The following SDHA variants were observed in gnomAD, a reference collection of about 807,000 sequenced individuals.
SDHA encodes the protein succinate dehydrogenase [ubiquinone] flavoprotein subunit, mitochondrial.
Under a neutral mutation model 78.4 loss-of-function variants are expected in SDHA, and 48 were observed. The ratio of observed to expected loss-of-function variants is 0.61; its 90% CI spans 0.49 to 0.78. The LOEUF (loss-of-function observed/expected upper bound fraction) is 0.78. SDHA is among the 30% of genes least tolerant of loss of function. The pLI is 0.00. For missense variants in SDHA, 680 were observed against 892.7 expected (o/e 0.76, Z 3.04); for synonymous variants, 326 against 353.9 (o/e 0.92, Z 0.88).
chr5:233,701 T>C, intron 8 of SDHA, 56 bp downstream of exon 8: 1 of 1,579,146 alleles, frequency 6.3e-7, no homozygotes, highest in Non-Finnish European at 8.7e-7. Context: ...CGGGGTTGCT[T>C]CTGTGAGTTT....
chr5:230,546 A>G (rs989096730), intron 6 of SDHA, among the ~76,000 whole-genome samples: 7 of 152,160 alleles, frequency 4.6e-5, no homozygotes, highest in African/African-American at 1.7e-4. Context: ...GAATCACTTG[A>G]ACCTGGGAGC....
At chr5:233,710 T>C (rs1735573722) in intron 8 of SDHA, 65 bp downstream of exon 8, 3 of 1,522,642 alleles carry the variant, frequency 2.0e-6, no homozygotes, top group Non-Finnish European at 2.7e-6. Flanking sequence ...TTCTGTGAGT[T>C]TCAGCACCGC....
chr5:219,813 A>C (rs1579373046), intron 1 of SDHA, among the ~76,000 whole-genome samples: 1 of 152,286 alleles, frequency 6.6e-6, no homozygotes. Context: ...TCTGCAGACT[A>C]AGACCCTGCC....
chr5:229,783 C>T (rs1011742313), intron 6 of SDHA, among the ~76,000 whole-genome samples: 2 of 149,302 alleles, frequency 1.3e-5, no homozygotes, highest in African/African-American at 5.1e-5. Context: ...CATTATACAG[C>T]ATGGTGGCTA....
chr5:231,058 T>G (rs1735368740), intron 7 of SDHA, 58 bp downstream of exon 7: 3 of 1,579,134 alleles, frequency 1.9e-6, no homozygotes, highest in Non-Finnish European at 2.6e-6. Flanking sequence ...TGTAAGCATG[T>G]GATGCCTACT....
chr5:259,117 C>T (rs1336155962), downstream of SDHA, among the ~76,000 whole-genome samples: 4 of 50,722 alleles, frequency 7.9e-5, no homozygotes, highest in East Asian at 4.2e-4. Context: ...CTCCGCCTCC[C>T]GTCCGAGCAT....
Position 227,418 on chromosome 5 carries a change from T to TA in SDHA, c.622-766dup, listed in dbSNP as rs139616100. ...CATGGCCAAATAATATTCTGAACGG[T>TA]ATTGATTCAGAGTAATCAATATTCT... On this transcript the variant is annotated intron_variant, in intron 5 of 14. Transcript: ENST00000264932. Among the ~76,000 whole-genome samples, 1,439 of 152,374 alleles carry TA rather than the reference T, an allele frequency of 9.4e-3. 12 individuals are homozygous for TA. Among genetic ancestry groups the TA allele is most frequent in the Non-Finnish European group, 0.015 (1,021 of 68,036 alleles).
intron 14 of SDHA, 115 bp downstream of exon 14, chr5:254,621 C>A (rs1253141996): frequency 6.9e-7 from 1 of 1,446,620 alleles, no homozygotes; most frequent in African/African-American, 1.6e-5. Context: ...TAAATCAACT[C>A]CCGACAGATT....
chr5:262,075 C>T (rs372811603), downstream of SDHA, among the ~76,000 whole-genome samples: 2 of 15,514 alleles, frequency 1.3e-4, no homozygotes, highest in Non-Finnish European at 2.5e-4. Context: ...ACAGCATTAC[C>T]GTGTGAGCTC....
In SDHA at chr5:256,443, A is replaced by G. The variant is rs1737199092; in HGVS notation, c.*23A>G. ...TGATGAGACAAGATGTGGTGATGAC[A>G]GAATCAGCTTTTGTAATTATGTATA... is the stretch of plus-strand genomic sequence containing the variant. On this transcript the variant is annotated 3_prime_UTR_variant, in exon 15 of 15. Transcript: ENST00000264932. 5.1e-6 allele frequency: 8 copies of G among 1,575,570 alleles called. No individual in the cohort carries two copies. Among genetic ancestry groups the G allele is most frequent in the Admixed American group, 3.3e-5 (2 of 59,972 alleles).
chr5:256,828 C>CTT lies in SDHA; in HGVS notation c.*419_*420dup, dbSNP rs1420375226. On this transcript the variant is annotated 3_prime_UTR_variant, in exon 15 of 15. Transcript: ENST00000264932. ...ATAGTTTCTTTTTTCTTTTTCTTTT[C>CTT]TTTTTTTTTTTTGAGACAGGATCGG... 1.8e-3 allele frequency: 420 copies of CTT among 237,828 alleles called. 6 individuals are homozygous for CTT. The highest frequency in any genetic ancestry group is 7.5e-3 in the African/African-American group (317 of 42,316). 14.7% of individuals were successfully genotyped at this position (237,828 alleles called of 1,614,324 possible). A position where few individuals can be genotyped will look rare whatever the true frequency, so the allele number is the denominator to read the frequency against.
Position 240,115 on chromosome 5 carries a change from C to CT in SDHA, c.1433-242dup, listed in dbSNP as rs1210732163. 3.3e-5 allele frequency among the ~76,000 whole-genome samples: 5 copies of CT among 152,158 alleles called. No homozygotes were observed. The South Asian group carries it at 6.2e-4, about 19-fold the overall frequency. On this transcript the variant is annotated intron_variant, in intron 10 of 14. Coordinates refer to ENST00000264932, the MANE Select transcript of SDHA (RefSeq NM_004168.4). ...AGAGATGATTTCTAGTTTATTCACT[C>CT]TAAGATCACTTAATGGATATCTACT...
intron 8 of SDHA, chr5:234,722 A>G (rs1372581123): frequency 7.2e-6 from 2 of 277,656 alleles, no homozygotes; most frequent in Admixed American, 9.4e-5. Context: ...GGATGTGCAT[A>G]GGTTATATGC....
chr5:224,756 T>C, intron 3 of SDHA: 1 of 565,160 alleles, frequency 1.8e-6, no homozygotes, highest in Non-Finnish European at 3.2e-6. Context: ...ACTTGGGTTT[T>C]CTCTGACCAT....
At chr5:233,719 G>A (rs933812191) in intron 8 of SDHA, 74 bp downstream of exon 8, 19 of 1,463,594 alleles carry the variant, frequency 1.3e-5, no homozygotes, top group East Asian at 6.8e-5. Flanking sequence ...TTTCAGCACC[G>A]CTCGCCCTCA....
the SDHA span, among the ~76,000 whole-genome samples, chr5:267,649 G>C: frequency 6.6e-6 from 1 of 152,206 alleles, no homozygotes; most frequent in Non-Finnish European, 1.5e-5. Flanking sequence ...CAAATTAGCT[G>C]AGAGAAACGA....
chr5:263,268 T>C, the SDHA span, among the ~76,000 whole-genome samples: 45 of 152,072 alleles, frequency 3.0e-4, no homozygotes, highest in Middle Eastern at 3.4e-3. Flanking sequence ...AGGTTTTACA[T>C]TATATTTAGA....
chr5:265,820 CA>C, the SDHA span, among the ~76,000 whole-genome samples: 301 of 141,690 alleles, frequency 2.1e-3, 1 homozygote, highest in Admixed American at 4.2e-3. Flanking sequence ...GATTCTGTCT[CA>C]AAAAAAAAAA....
chr5:242,464 T>C (rs1205824808), intron 11 of SDHA, among the ~76,000 whole-genome samples: 3 of 152,258 alleles, frequency 2.0e-5, no homozygotes, highest in African/African-American at 7.2e-5. Flanking sequence ...CCGTAAGGAA[T>C]ACTTTTAGTA....
Sources: allele counts gnomAD v4.1 joint callset (sites outside exome capture counted in the v4.1 genomes callset), GRCh38; gene constraint gnomAD v4.1.1; transcripts MANE v1.5; gene names NCBI Gene and HGNC (gene_info 2026-07-23, HGNC 2026-07-21).